TYW3: variants seen among roughly 807,000 people sequenced by gnomAD.
TYW3 encodes the protein tRNA wybutosine-synthesizing protein 3 homolog.
In TYW3, 26 loss-of-function variants were observed where a neutral mutation model predicts 23.1. That is an observed-to-expected ratio of 1.13 (90% CI 0.83 to 1.56). TYW3 has a LOEUF of 1.56. Ranked by LOEUF, TYW3 falls within the 40% of genes most tolerant of loss-of-function variation. The probability of loss-of-function intolerance (pLI) is 0.00; values close to 1 mark genes in which losing one functional copy is unlikely to be tolerated. For missense variants in TYW3, 316 were observed against 311.9 expected, an observed-to-expected ratio of 1.01 and a Z score of -0.10; for synonymous variants, 102 against 105.7, an observed-to-expected ratio of 0.97 and a Z score of 0.21.
At chr1:74,748,317 G>T (rs923828535) in intron 3 of TYW3, among the ~76,000 whole-genome samples, 2 of 152,194 alleles carry the variant, frequency 1.3e-5, no homozygotes, top group African/African-American at 2.4e-5. Context: ...ATCAGAATTT[G>T]TGTGCTTGCT....
At chr1:74,741,157 C>T (rs1648344752) in intron 3 of TYW3, among the ~76,000 whole-genome samples, 1 of 152,114 alleles carries the variant, frequency 6.6e-6, no homozygotes, top group South Asian at 2.1e-4. Flanking sequence ...GGTTAGTATG[C>T]TGCTAGAAAA....
At chr1:74,744,397 T>A (rs548437297) in intron 3 of TYW3, among the ~76,000 whole-genome samples, 20 of 150,126 alleles carry the variant, frequency 1.3e-4, no homozygotes, top group African/African-American at 4.6e-4. Flanking sequence ...AAAAAAAAAA[T>A]GAGCCGCCTC....
chr1:74,747,101 T>C (rs1648587466), intron 3 of TYW3, among the ~76,000 whole-genome samples: 1 of 152,190 alleles, frequency 6.6e-6, no homozygotes, highest in Non-Finnish European at 1.5e-5. Flanking sequence ...TAAGAATGGT[T>C]TGAAGGGGCA....
chr1:74,749,762 C>T (rs373527632), intron 4 of TYW3, among the ~76,000 whole-genome samples: 6 of 151,928 alleles, frequency 3.9e-5, no homozygotes, highest in Admixed American at 6.6e-5. Flanking sequence ...GTCAAGAGAT[C>T]GAGACCATCC....
At chr1:74,736,659 A>T in intron 2 of TYW3, 37 bp downstream of exon 2, 1 of 1,495,532 alleles carries the variant, frequency 6.7e-7, no homozygotes, top group Non-Finnish European at 9.2e-7. Flanking sequence ...ATAAACTTTT[A>T]AATTCAGTTA....
At chr1:74,760,989 A>T (rs1649119334) in intron 5 of TYW3, among the ~76,000 whole-genome samples, 1 of 152,196 alleles carries the variant, frequency 6.6e-6, no homozygotes, top group South Asian at 2.1e-4. Context: ...GATAATCTTG[A>T]CTGCAGAGGC....
In TYW3 at chr1:74,764,286, AG is replaced by A. The variant is rs1197774406; in HGVS notation, c.*174del. On this transcript the variant is annotated 3_prime_UTR_variant, in exon 6 of 6. Transcript: ENST00000370867. ...CCAGAGGATGTGCAGTTGTCATCTA[AG>A]CTCTCAGCAGTACCCGGCTTATCCT... 1.8e-6 allele frequency: 1 copy of A among 558,018 alleles called. No individual in the cohort carries two copies. The highest frequency in any genetic ancestry group is 3.0e-5 in the East Asian group (1 of 33,722). The allele number at this position is 558,018 out of a possible 1,614,324, so 34.6% of individuals were successfully genotyped here. A position where few individuals can be genotyped will look rare whatever the true frequency, so the allele number is the denominator to read the frequency against.
At chr1:74,736,676 A>G (rs1648166666) in intron 2 of TYW3, 54 bp downstream of exon 2, 1 of 1,366,398 alleles carries the variant, frequency 7.3e-7, no homozygotes. Flanking sequence ...GTTACTTTAA[A>G]TACATATGAC....
At chr1:74,733,511 C>A in intron 1 of TYW3, 93 bp downstream of exon 1, 1 of 1,522,442 alleles carries the variant, frequency 6.6e-7, no homozygotes, top group Non-Finnish European at 8.8e-7. Context: ...TCCAGCATGT[C>A]TGTGTTTGCT....
Position 74,748,629 on chromosome 1 carries a change from A to T in TYW3, c.355-122A>T, listed in dbSNP as rs1013016071. The T allele has an allele frequency of 2.0e-4, 193 of 945,810 alleles. 2 individuals are homozygous for T. Among genetic ancestry groups the T allele is most frequent in the Admixed American group, 1.4e-3 (54 of 39,010 alleles). The allele number at this position is 945,810 out of a possible 1,614,324, so 58.6% of individuals were successfully genotyped here. A position where few individuals can be genotyped will look rare whatever the true frequency, so the allele number is the denominator to read the frequency against. On this transcript the variant is annotated intron_variant, in intron 3 of 5. Coordinates refer to ENST00000370867, the MANE Select transcript of TYW3 (RefSeq NM_138467.3). ...AAGCATAGTCCGTATTGGCTAGACG[A>T]AAAATTTTTTTAAAAACCTTAATAG...
intron 4 of TYW3, among the ~76,000 whole-genome samples, chr1:74,750,707 T>G (rs1210488734): frequency 6.6e-6 from 1 of 152,194 alleles, no homozygotes; most frequent in Non-Finnish European, 1.5e-5. Context: ...ATTGGTTGTT[T>G]TCCAAGGGTA....
chr1:74,741,505 T>C (rs1158968650), intron 3 of TYW3, among the ~76,000 whole-genome samples: 1 of 152,180 alleles, frequency 6.6e-6, no homozygotes, highest in East Asian at 1.9e-4. Flanking sequence ...TTACCGAGTA[T>C]GGTCCTTCCC....
chr1:74,752,380 A>G lies in TYW3; in HGVS notation c.515A>G (p.Asn172Ser). 6.2e-7 allele frequency: 1 copy of G among 1,613,712 alleles called. No homozygotes were observed. The highest frequency in any genetic ancestry group is 2.2e-5 in the East Asian group (1 of 44,830). Residue 172 changes from asparagine to serine, a missense_variant, in exon 5 of 6, where the codon AAT (asparagine) becomes AGT (serine). Physicochemically the swap from Asn to Ser is conservative, Grantham distance 46 (BLOSUM62 1). Transcript: ENST00000370867. ...GAGGAATATATTGACTTCCTGTTAA[A>G]TGTGGCAAATCAAAAAATGGAGGAA... ...VTEEYIDFLLNVANQKMEENK... is the reference protein window; with the variant it reads ...VTEEYIDFLLSVANQKMEENK...
Position 74,764,139 on chromosome 1 carries a change from GTAATGTTTCTAGTAGGTTT to G in TYW3, c.*29_*47del. 1.3e-6 allele frequency: 2 copies of G among 1,576,542 alleles called. No homozygotes were observed. The highest frequency in any genetic ancestry group is 1.7e-6 in the Non-Finnish European group (2 of 1,161,230). On this transcript the variant is annotated 3_prime_UTR_variant, in exon 6 of 6. Transcript: ENST00000370867. ...GCTTTGGTTCTGATGTGTCTTGGCC[GTAATGTTTCTAGTAGGTTT>G]TATAAAGCTGCTCTTCATAAGAGTA...
intron 2 of TYW3, 56 bp downstream of exon 2, chr1:74,736,678 A>G: frequency 7.5e-7 from 1 of 1,340,740 alleles, no homozygotes; most frequent in South Asian, 1.3e-5. Context: ...TACTTTAAAT[A>G]CATATGACAA....
At position 74,766,569 on chromosome 1, in the gene TYW3, G is replaced by A. The variant is rs1649314796; in HGVS notation, c.*2456G>A. The A allele has an allele frequency of 6.6e-6, 1 of 152,102 alleles. No homozygotes were observed. Among genetic ancestry groups the A allele is most frequent in the Non-Finnish European group, 1.5e-5 (1 of 68,006 alleles). The allele number at this position is 152,102 out of a possible 1,614,324, so 9.4% of individuals were successfully genotyped here. ...TTTGTACAGCTGTACAATAAGCTAA[G>A]CATTATTACCAAAGAGTCAAAAAGT... On this transcript the variant is annotated 3_prime_UTR_variant, in exon 6 of 6. Transcript: ENST00000370867.
chr1:74,745,473 G>A (rs932985054), intron 3 of TYW3, among the ~76,000 whole-genome samples: 4 of 152,046 alleles, frequency 2.6e-5, no homozygotes, highest in African/African-American at 9.7e-5. Context: ...ACTGATTGGT[G>A]CGTTTTTACA....
intron 4 of TYW3, among the ~76,000 whole-genome samples, chr1:74,750,896 C>G (rs1648761716): frequency 6.7e-6 from 1 of 149,956 alleles, no homozygotes; most frequent in African/African-American, 2.5e-5. Flanking sequence ...CAACCGCCAC[C>G]TCCCAGGTTC....
At chr1:74,740,605 C>G (rs1018239449) in intron 3 of TYW3, among the ~76,000 whole-genome samples, 1 of 152,136 alleles carries the variant, frequency 6.6e-6, no homozygotes, top group African/African-American at 2.4e-5. Flanking sequence ...ACATAGAGCG[C>G]TGATTGGTGC....
Sources: gnomAD v4.1 joint callset for allele counts (sites outside exome capture counted in the v4.1 genomes callset) on GRCh38, gnomAD v4.1.1 for gene constraint, MANE v1.5 for transcripts, NCBI Gene and HGNC (gene_info 2026-07-23, HGNC 2026-07-21) for gene names.